MAP2K5: variants seen among roughly 807,000 people sequenced by gnomAD.
MAP2K5 encodes dual specificity mitogen-activated protein kinase kinase 5.
In MAP2K5, 49 loss-of-function variants were observed where a neutral mutation model predicts 83.1. That is an observed-to-expected ratio of 0.59 (90% CI 0.47 to 0.75). The LOEUF (loss-of-function observed/expected upper bound fraction) is 0.75. MAP2K5 is among the 30% of genes least tolerant of loss of function. The pLI is 0.00. For synonymous variants in MAP2K5, 202 were observed against 191.8 expected (o/e 1.05, Z -0.44); for missense variants, 457 against 557.5 (o/e 0.82, Z 1.82).
chr15:67,551,252 A>G (rs2084505265), intron 2 of MAP2K5, among the ~76,000 whole-genome samples: 1 of 152,222 alleles, frequency 6.6e-6, no homozygotes, highest in Non-Finnish European at 1.5e-5. Context: ...TAGCAGATCC[A>G]CTGTCAGGAA....
intron 8 of MAP2K5, among the ~76,000 whole-genome samples, chr15:67,625,882 A>G (rs1230638510): frequency 6.6e-6 from 1 of 152,162 alleles, no homozygotes; most frequent in Non-Finnish European, 1.5e-5. Context: ...TAGAAAAGAG[A>G]TCAGCTTTCT....
At chr15:67,804,940 C>T (rs2090773177) in intron 21 of MAP2K5, among the ~76,000 whole-genome samples, 1 of 152,182 alleles carries the variant, frequency 6.6e-6, no homozygotes, top group Non-Finnish European at 1.5e-5. Flanking sequence ...TCCTGGGCCT[C>T]TCCTGCTCAG....
At chr15:67,605,106 G>A (rs369941018) in intron 8 of MAP2K5, among the ~76,000 whole-genome samples, 1 of 149,732 alleles carries the variant, frequency 6.7e-6, no homozygotes, top group African/African-American at 2.5e-5. Context: ...AGGCTGGAGT[G>A]CAGTGGAAAG....
Position 67,637,261 on chromosome 15 carries a change from A to G in MAP2K5, c.585+6334A>G, listed in dbSNP as rs558623792. Among the ~76,000 whole-genome samples, 2 of 152,140 alleles carry G rather than the reference A, an allele frequency of 1.3e-5. No homozygotes were observed. The highest frequency in any genetic ancestry group is 2.9e-5 in the Non-Finnish European group (2 of 68,016). The stretch of plus-strand genomic sequence containing the variant: ...TACTCCTTAATAAATTCCCCTTCAT[A>G]TATACATCTATCCTATTAGTTCTGT... On this transcript the variant is annotated intron_variant, in intron 9 of 21. Coordinates refer to ENST00000178640, the MANE Select transcript of MAP2K5 (RefSeq NM_145160.3). This position sits in a 1 kb window ranked among gnomAD's most constrained non-coding sequence, Gnocchi z 4.5.
chr15:67,599,491 G>A (rs2085604674), intron 7 of MAP2K5, among the ~76,000 whole-genome samples: 1 of 152,174 alleles, frequency 6.6e-6, no homozygotes, highest in Non-Finnish European at 1.5e-5. Flanking sequence ...CTTCAGAAAT[G>A]TGTAGAAGGA....
chr15:67,554,330 A>G (rs965240633), intron 2 of MAP2K5, among the ~76,000 whole-genome samples: 14 of 152,222 alleles, frequency 9.2e-5, no homozygotes, highest in African/African-American at 3.4e-4. Context: ...AAGTGTTGGG[A>G]TTACAGGTGT....
intron 1 of MAP2K5, among the ~76,000 whole-genome samples, chr15:67,544,776 A>G (rs188937369): frequency 1.2e-4 from 19 of 152,308 alleles, no homozygotes; most frequent in African/African-American, 4.3e-4. Context: ...GTCTTGGGTA[A>G]CTTAATCAAA....
Position 67,692,340 on chromosome 15 carries a change from T to C in MAP2K5, c.848-139T>C, listed in dbSNP as rs188942365. 38 of 562,354 alleles carry C rather than the reference T, an allele frequency of 6.8e-5. No homozygotes were observed. In the African/African-American group the frequency reaches 7.1e-4, roughly 10 times the overall value. The allele number at this position is 562,354 out of a possible 1,614,324, so 34.8% of individuals were successfully genotyped here. ...TTCGGTTAAAAAAAAATGCTTTTCA[T>C]TAAATTTGTGATTTGAATTTCGGAT... On this transcript the variant is annotated intron_variant, in intron 13 of 21. Coordinates refer to ENST00000178640, the MANE Select transcript of MAP2K5 (RefSeq NM_145160.3).
intron 7 of MAP2K5, among the ~76,000 whole-genome samples, chr15:67,599,395 TA>T (rs1377237361): frequency 1.3e-5 from 2 of 152,208 alleles, no homozygotes; most frequent in African/African-American, 4.8e-5. Flanking sequence ...AATATTCTTT[TA>T]AGGATTGGTA....
At chr15:67,596,141 T>C (rs2085521784) in intron 7 of MAP2K5, among the ~76,000 whole-genome samples, 1 of 152,166 alleles carries the variant, frequency 6.6e-6, no homozygotes, top group Non-Finnish European at 1.5e-5. Context: ...CTAGAAAAAC[T>C]TTTTGTATTT....
At chr15:67,715,246 TC>T (rs1211985035) in intron 16 of MAP2K5, among the ~76,000 whole-genome samples, 5 of 146,700 alleles carry the variant, frequency 3.4e-5, no homozygotes, top group Admixed American at 1.4e-4. Context: ...AGGGGGGGGG[TC>T]TAAAATTGTG....
chr15:67,763,475 C>T (rs1044991141), intron 19 of MAP2K5, among the ~76,000 whole-genome samples: 17 of 152,114 alleles, frequency 1.1e-4, no homozygotes, highest in Non-Finnish European at 1.3e-4. Flanking sequence ...TGTCTACATT[C>T]TGTTACAGCA....
chr15:67,741,390 C>G (rs543310525), intron 17 of MAP2K5, among the ~76,000 whole-genome samples: 1 of 152,320 alleles, frequency 6.6e-6, no homozygotes, highest in East Asian at 1.9e-4. Flanking sequence ...ATATTCGGTT[C>G]TCTCCTTAGT....
chr15:67,595,585 T>C (rs1466805308), intron 7 of MAP2K5, among the ~76,000 whole-genome samples: 1 of 152,234 alleles, frequency 6.6e-6, no homozygotes, highest in East Asian at 1.9e-4. Flanking sequence ...TGTTGATCCA[T>C]AATTGAATTC....
rs970650791 is a variant in MAP2K5 at position 67,673,765 on chromosome 15, T to C, written c.847+9120T>C. Among the ~76,000 whole-genome samples the C allele has an allele frequency of 1.3e-4, 20 of 149,866 alleles. 1 individual carries two copies. The highest frequency in any genetic ancestry group is 9.3e-4 in the Admixed American group (14 of 15,110). Reference sequence around the variant, plus strand: ...ATCTGTTTTTTTGCAGAGATCTACATAGTTTGTGATTAACTATATACATTA... The same window carrying C: ...ATCTGTTTTTTTGCAGAGATCTACACAGTTTGTGATTAACTATATACATTA... On this transcript the variant is annotated intron_variant, in intron 13 of 21. Transcript: ENST00000178640.
At position 67,724,093 on chromosome 15, in the gene MAP2K5, A is replaced by G. The variant is rs2089032699; in HGVS notation, c.1045-3823A>G. ...TGATACAGAAACAGGCAAAATTAAA[A>G]AGGACATTAAAGCTTCATTAAATCT... On this transcript the variant is annotated intron_variant, in intron 16 of 21. Transcript: ENST00000178640. This position sits in a 1 kb window ranked among gnomAD's most constrained non-coding sequence, Gnocchi z 4.4. 6.6e-6 allele frequency among the ~76,000 whole-genome samples: 1 copy of G among 152,230 alleles called. No individual in the cohort carries two copies. Among genetic ancestry groups the G allele is most frequent in the Admixed American group, 6.5e-5 (1 of 15,280 alleles).
At chr15:67,616,926 CCTT>C (rs1283629348) in intron 8 of MAP2K5, among the ~76,000 whole-genome samples, 3 of 152,100 alleles carry the variant, frequency 2.0e-5, no homozygotes, top group Non-Finnish European at 4.4e-5. Flanking sequence ...TTTTCACTAA[CCTT>C]CTTTGAAGTA....
At chr15:67,735,361 T>C (rs1234423603) in intron 17 of MAP2K5, among the ~76,000 whole-genome samples, 2 of 152,234 alleles carry the variant, frequency 1.3e-5, no homozygotes, top group East Asian at 3.8e-4. Context: ...GCCAGTTAGG[T>C]TCGTGATTCC....
rs2084526811 is a variant in MAP2K5 at position 67,552,308 on chromosome 15, G to C, written c.184+2226G>C. ...TTCAGACTCTTTGCAGTAACTCCTTGCAGGTTCCACGGGTTTCATGGACAG... is the reference window on the plus strand; with the variant it reads ...TTCAGACTCTTTGCAGTAACTCCTTCCAGGTTCCACGGGTTTCATGGACAG... On this transcript the variant is annotated intron_variant, in intron 2 of 21. Coordinates refer to ENST00000178640, the MANE Select transcript of MAP2K5 (RefSeq NM_145160.3). The surrounding 1 kb of genome is among the most constrained non-coding windows in gnomAD (Gnocchi z 4.2). 6.6e-6 allele frequency among the ~76,000 whole-genome samples: 1 copy of C among 152,160 alleles called. No individual in the cohort carries two copies. The highest frequency in any genetic ancestry group is 2.4e-5 in the African/African-American group (1 of 41,422).
Sources: allele counts gnomAD v4.1 joint callset (sites outside exome capture counted in the v4.1 genomes callset), GRCh38; gene constraint gnomAD v4.1.1; non-coding constraint Gnocchi (gnomAD v3.1); transcripts MANE v1.5; gene names NCBI Gene and HGNC (gene_info 2026-07-23, HGNC 2026-07-21).